Variants in LRRIQ1 observed in about 807,000 individuals in gnomAD.
LRRIQ1 encodes the protein leucine rich repeats and IQ motif containing 1.
LRRIQ1 carries 210 observed loss-of-function variants against 211.9 expected under a neutral mutation model. That is an observed-to-expected ratio of 0.99 (90% CI 0.89 to 1.11). The LOEUF (loss-of-function observed/expected upper bound fraction) is 1.11, where lower values mean the gene tolerates loss of function less well. Among genes scored for constraint, LRRIQ1 ranks in the 50% most tolerant of loss-of-function variants. The pLI is 0.00. For synonymous variants in LRRIQ1, 699 were observed against 650.1 expected (o/e 1.08, Z -1.14); for missense variants, 2,136 against 1,939.5 (o/e 1.10, Z -1.90).
chr12:85,242,287 C>A (rs1011865515), intron 26 of LRRIQ1, among the ~76,000 whole-genome samples: 1 of 151,718 alleles, frequency 6.6e-6, no homozygotes, highest in African/African-American at 2.4e-5. Flanking sequence ...TATCTGTCAA[C>A]CAACTCTGGA....
In LRRIQ1 at chr12:85,209,807, GA is replaced by G. The variant is rs199897409; in HGVS notation, c.4823-19702del. On this transcript the variant is annotated intron_variant, in intron 24 of 26. Transcript: ENST00000393217. ...CTGATTGTTTCTTCACAACATCCATGAAAAAAAATACAATTACCCTCATTTT... is the reference window on the plus strand; with the variant it reads ...CTGATTGTTTCTTCACAACATCCATGAAAAAAATACAATTACCCTCATTTT... 5.1e-4 allele frequency among the ~76,000 whole-genome samples: 77 copies of G among 151,644 alleles called. 2 individuals are homozygous for G. In the East Asian group the frequency reaches 0.01, roughly 21 times the overall value.
At chr12:85,045,154 T>C (rs1251672378) in intron 4 of LRRIQ1, among the ~76,000 whole-genome samples, 1 of 151,912 alleles carries the variant, frequency 6.6e-6, no homozygotes, top group Non-Finnish European at 1.5e-5. Flanking sequence ...TTCTTAGGAT[T>C]GTACTATGTT....
At chr12:85,117,004 T>C (rs561800277) in intron 15 of LRRIQ1, among the ~76,000 whole-genome samples, 53 of 152,288 alleles carry the variant, frequency 3.5e-4, no homozygotes, top group African/African-American at 9.1e-4. Context: ...TGAGTAGTGC[T>C]GCAATGAACA....
intron 24 of LRRIQ1, among the ~76,000 whole-genome samples, chr12:85,225,663 C>G (rs78367738): frequency 2.0e-5 from 3 of 152,030 alleles, no homozygotes; most frequent in African/African-American, 7.2e-5. Context: ...GATGCAAGAC[C>G]CATAGAAGTA....
intron 26 of LRRIQ1, among the ~76,000 whole-genome samples, chr12:85,244,025 G>A (rs955401959): frequency 1.7e-4 from 26 of 151,600 alleles, no homozygotes; most frequent in African/African-American, 6.3e-4. Context: ...AGGCTGCTTT[G>A]CTTTCCCTCA....
At chr12:85,206,184 G>T (rs960713801) in intron 24 of LRRIQ1, among the ~76,000 whole-genome samples, 3 of 152,210 alleles carry the variant, frequency 2.0e-5, no homozygotes, top group African/African-American at 7.2e-5. Flanking sequence ...GGCTTTGGCA[G>T]TGTTAGTAAT....
chr12:85,127,848 A>G lies in LRRIQ1; in HGVS notation c.4024A>G (p.Ile1342Val). The change falls in exon 18 of 27, where the codon ATC becomes GTC. Residue 1342 changes from isoleucine to valine, a missense_variant. Physicochemically the swap from Ile to Val is conservative, Grantham distance 29 (BLOSUM62 3). Coordinates refer to ENST00000393217, the MANE Select transcript of LRRIQ1 (RefSeq NM_001079910.2). The stretch of plus-strand genomic sequence containing the variant: ...TCTTAATAGTATGGCAGCTGTGGTA[A>G]TCCAGTCATACTGGCGTGGTTACCT... The part of the protein sequence containing the change: ...PSEKIMAAVV[I>V]QSYWRGYLMR... The G allele has an allele frequency of 1.9e-6, 3 of 1,613,978 alleles. No individual in the cohort carries two copies. The highest frequency in any genetic ancestry group is 1.3e-5 in the African/African-American group (1 of 75,004).
chr12:85,045,963 C>T, intron 4 of LRRIQ1, 57 bp from the exon 5 acceptor site: 1 of 935,380 alleles, frequency 1.1e-6, no homozygotes, highest in Non-Finnish European at 1.6e-6. Flanking sequence ...ATTAAAACGA[C>T]AGCTTTACTC....
intron 24 of LRRIQ1, among the ~76,000 whole-genome samples, chr12:85,199,730 A>G (rs867473629): frequency 6.6e-6 from 1 of 152,078 alleles, no homozygotes; most frequent in Non-Finnish European, 1.5e-5. Flanking sequence ...GAAATACCAG[A>G]TGCTTATAAA....
At chr12:85,047,171 T>C (rs888969152) in intron 5 of LRRIQ1, 76 bp from the exon 6 acceptor site, 1 of 1,097,994 alleles carries the variant, frequency 9.1e-7, no homozygotes. Context: ...ATTAAAAAAA[T>C]TACTTTTATA....
chr12:85,067,120 T>C (rs74111258), intron 10 of LRRIQ1, among the ~76,000 whole-genome samples: 35,982 of 151,856 alleles, frequency 0.24, 4,894 homozygotes, highest in African/African-American at 0.34. Flanking sequence ...GTTAGTATAT[T>C]TACTTCTCTG....
At chr12:85,101,844 A>G (rs1057233272) in intron 13 of LRRIQ1, among the ~76,000 whole-genome samples, 6 of 151,670 alleles carry the variant, frequency 4.0e-5, no homozygotes, top group African/African-American at 1.5e-4. Flanking sequence ...TTTTGCAAAG[A>G]TTTATTGATT....
At chr12:85,242,431 T>C (rs1430800948) in intron 26 of LRRIQ1, among the ~76,000 whole-genome samples, 1 of 151,946 alleles carries the variant, frequency 6.6e-6, no homozygotes, top group Admixed American at 6.6e-5. Flanking sequence ...TAGAGATTAT[T>C]TAAAATAGAA....
Position 85,098,368 on chromosome 12 carries a change from T to G in LRRIQ1, c.2901T>G (p.Ser967=). 3 of 1,605,614 alleles carry G rather than the reference T, an allele frequency of 1.9e-6. No homozygotes were observed. The highest frequency in any genetic ancestry group is 2.2e-5 in the South Asian group (2 of 90,450). The change falls in exon 12 of 27, where the codon TCT becomes TCG. Residue 967 remains serine (S), a synonymous_variant. Coordinates refer to ENST00000393217, the MANE Select transcript of LRRIQ1 (RefSeq NM_001079910.2). ...SHLYWNCGLE[S]LKNLQQLILD... is the part of the protein sequence containing the mutation. ...TTTTTCTTCTAGGTGGTTTAGAATC[T>G]TTGAAAAATCTTCAACAACTAATTT...
At chr12:85,079,044 G>A (rs889280000) in intron 11 of LRRIQ1, among the ~76,000 whole-genome samples, 1 of 151,960 alleles carries the variant, frequency 6.6e-6, no homozygotes, top group South Asian at 2.1e-4. Context: ...CAGTCAATTT[G>A]CTATAATATC....
intron 24 of LRRIQ1, among the ~76,000 whole-genome samples, chr12:85,187,247 A>C (rs1269932189): frequency 6.6e-6 from 1 of 152,142 alleles, no homozygotes; most frequent in Non-Finnish European, 1.5e-5. Flanking sequence ...CTTTCCTTAC[A>C]GTTTAAAAGC....
chr12:85,203,931 A>G (rs187060970), intron 24 of LRRIQ1, among the ~76,000 whole-genome samples: 29 of 152,292 alleles, frequency 1.9e-4, no homozygotes, highest in African/African-American at 6.7e-4. Context: ...TTAACCCCCA[A>G]GACAATGGGG....
chr12:85,211,072 T>C (rs1893814538), intron 24 of LRRIQ1, among the ~76,000 whole-genome samples: 1 of 152,212 alleles, frequency 6.6e-6, no homozygotes, highest in African/African-American at 2.4e-5. Context: ...TTTCTTCTTG[T>C]GCTGTGAGTA....
At chr12:85,125,479 A>G (rs1888312232) in intron 17 of LRRIQ1, among the ~76,000 whole-genome samples, 1 of 152,166 alleles carries the variant, frequency 6.6e-6, no homozygotes, top group Non-Finnish European at 1.5e-5. Context: ...CCTCAGAGTC[A>G]AGCTAAGAAA....
Sources: gnomAD v4.1 joint callset for allele counts (sites outside exome capture counted in the v4.1 genomes callset) on GRCh38, gnomAD v4.1.1 for gene constraint, MANE v1.5 for transcripts, NCBI Gene and HGNC (gene_info 2026-07-23, HGNC 2026-07-21) for gene names.